Variants in OXCT1 observed in about 807,000 individuals in gnomAD.
The protein encoded by OXCT1 is succinyl-CoA:3-ketoacid coenzyme A transferase 1, mitochondrial.
Under a neutral mutation model 69.6 loss-of-function variants are expected in OXCT1, and 27 were observed. The ratio of observed to expected loss-of-function variants is 0.39; its 90% CI spans 0.29 to 0.54. The LOEUF (loss-of-function observed/expected upper bound fraction) is 0.54, where lower values mean the gene tolerates loss of function less well. Ranked by LOEUF, OXCT1 falls within the 20% of genes least tolerant of loss-of-function variation. The pLI is 0.72. For synonymous variants in OXCT1, 202 were observed against 217.8 expected, an observed-to-expected ratio of 0.93 and a Z score of 0.64; for missense variants, 437 against 650.2, an observed-to-expected ratio of 0.67 and a Z score of 3.57.
intron 7 of OXCT1, among the ~76,000 whole-genome samples, chr5:41,820,110 T>C (rs1042937386): frequency 6.6e-6 from 1 of 152,142 alleles, no homozygotes. Context: ...AATAAAATAA[T>C]AGTGACATTC....
At chr5:41,802,992 T>G in intron 10 of OXCT1, 77 bp downstream of exon 10, 2 of 1,073,712 alleles carry the variant, frequency 1.9e-6, no homozygotes, top group Non-Finnish European at 2.8e-6. Flanking sequence ...ATAAAAAAAT[T>G]TAATAAAAAA....
intron 3 of OXCT1, among the ~76,000 whole-genome samples, chr5:41,858,361 G>A (rs1561134498): frequency 6.6e-6 from 1 of 152,154 alleles, no homozygotes; most frequent in East Asian, 1.9e-4. Context: ...AAATAGATGT[G>A]ATCTTTTGCA....
In OXCT1 at chr5:41,861,496, A is replaced by G. The variant is rs986392578; in HGVS notation, c.188-92T>C. ...GTTATTCTTTTTAAAAGGGAAATAA[A>G]ACAAAGCACATTATTAGATCTACTA... On this transcript the variant is annotated intron_variant, in intron 2 of 16. Coordinates refer to ENST00000196371, the MANE Select transcript of OXCT1 (RefSeq NM_000436.4). 5 of 828,248 alleles carry G rather than the reference A, an allele frequency of 6.0e-6. No homozygotes were observed. The African/African-American group carries it at 8.3e-5, about 14-fold the overall frequency. The allele number at this position is 828,248 out of a possible 1,614,324, so 51.3% of individuals were successfully genotyped here.
intron 13 of OXCT1, among the ~76,000 whole-genome samples, chr5:41,784,692 A>G (rs549627628): frequency 1.3e-5 from 2 of 152,338 alleles, no homozygotes; most frequent in South Asian, 2.1e-4. Flanking sequence ...TTCATCTATA[A>G]TAACAGGAAT....
intron 2 of OXCT1, among the ~76,000 whole-genome samples, chr5:41,861,781 C>G (rs1015422686): frequency 4.6e-5 from 7 of 152,170 alleles, no homozygotes; most frequent in Non-Finnish European, 1.0e-4. Flanking sequence ...TAGTTGGAAG[C>G]CTAAGCCCAA....
chr5:41,844,078 T>C (rs975062130), intron 5 of OXCT1, among the ~76,000 whole-genome samples: 1 of 152,176 alleles, frequency 6.6e-6, no homozygotes, highest in East Asian at 1.9e-4. Context: ...GCAAAGTCAA[T>C]AAATAGGCTT....
chr5:41,753,984 T>C (rs559418390), intron 14 of OXCT1, among the ~76,000 whole-genome samples: 10 of 151,992 alleles, frequency 6.6e-5, no homozygotes, highest in African/African-American at 1.2e-4. Context: ...GGAAGACAGA[T>C]AAAGGTGTGA....
intron 15 of OXCT1, among the ~76,000 whole-genome samples, chr5:41,743,710 T>C (rs889107984): frequency 6.6e-6 from 1 of 152,198 alleles, no homozygotes; most frequent in Non-Finnish European, 1.5e-5. Context: ...CTAGCCAGTT[T>C]TCCCAGCACC....
intron 5 of OXCT1, among the ~76,000 whole-genome samples, chr5:41,843,052 G>C (rs551812490): frequency 4.9e-4 from 75 of 152,258 alleles, no homozygotes; most frequent in African/African-American, 1.7e-3. Context: ...TATGGCCTGA[G>C]GGATAGACTA....
intron 3 of OXCT1, among the ~76,000 whole-genome samples, chr5:41,856,385 G>T (rs1159462879): frequency 1.3e-5 from 2 of 152,108 alleles, no homozygotes; most frequent in Non-Finnish European, 2.9e-5. Flanking sequence ...CACTAGTGAC[G>T]CCTACTTACT....
intron 14 of OXCT1, among the ~76,000 whole-genome samples, chr5:41,755,518 G>C (rs1337067176): frequency 6.6e-6 from 1 of 152,042 alleles, no homozygotes; most frequent in Non-Finnish European, 1.5e-5. Context: ...TTCATTTTGA[G>C]CTACTTTTCA....
chr5:41,765,867 C>T (rs184286002), intron 13 of OXCT1, among the ~76,000 whole-genome samples: 37 of 152,216 alleles, frequency 2.4e-4, no homozygotes, highest in Non-Finnish European at 2.6e-4. Context: ...GAGTCCACCC[C>T]CATCCCTCAT....
intron 13 of OXCT1, among the ~76,000 whole-genome samples, chr5:41,769,665 G>A (rs1172837711): frequency 1.3e-5 from 2 of 151,864 alleles, no homozygotes; most frequent in Non-Finnish European, 2.9e-5. Flanking sequence ...GCAAATCAAG[G>A]CCATGCTGAG....
intron 11 of OXCT1, among the ~76,000 whole-genome samples, chr5:41,799,287 G>T (rs917465606): frequency 1.3e-5 from 2 of 152,098 alleles, no homozygotes; most frequent in African/African-American, 2.4e-5. Context: ...AGGCTCTCCA[G>T]CTTAAAGTAT....
chr5:41,824,659 C>CT (rs1301510269), intron 7 of OXCT1, among the ~76,000 whole-genome samples: 1 of 152,084 alleles, frequency 6.6e-6, no homozygotes, highest in Non-Finnish European at 1.5e-5. Flanking sequence ...AGCTAAAATA[C>CT]TTTTTATAGC....
chr5:41,840,538 TGG>T lies in OXCT1; in HGVS notation c.672-29_672-28del, dbSNP rs752711750. 10 of 1,555,144 alleles carry T rather than the reference TGG, an allele frequency of 6.4e-6. No individual in the cohort carries two copies. The Admixed American group carries it at 1.7e-4, about 26-fold the overall frequency. The stretch of plus-strand genomic sequence containing the variant: ...TACAGGGGTGGAGGAGATAAGAAAG[TGG>T]GGGGGAAAAGACGAAAAATAAGCAT... On this transcript the variant is annotated intron_variant, in intron 6 of 16. Transcript: ENST00000196371.
chr5:41,738,755 C>A (rs973882880), intron 16 of OXCT1, among the ~76,000 whole-genome samples: 1 of 152,090 alleles, frequency 6.6e-6, no homozygotes, highest in South Asian at 2.1e-4. Flanking sequence ...TATTAAAGAG[C>A]AATTATTTAT....
intron 10 of OXCT1, among the ~76,000 whole-genome samples, chr5:41,801,484 A>T (rs141966080): frequency 6.6e-6 from 1 of 152,278 alleles, no homozygotes; most frequent in Non-Finnish European, 1.5e-5. Flanking sequence ...ACTTGAGGCC[A>T]GTTCAAAACC....
chr5:41,858,724 T>C (rs1002141534), intron 3 of OXCT1, among the ~76,000 whole-genome samples: 1 of 152,350 alleles, frequency 6.6e-6, no homozygotes, highest in Admixed American at 6.5e-5. Context: ...TGGCAATTCT[T>C]GTCAAAATAA....
Sources: gnomAD v4.1 joint callset for allele counts (sites outside exome capture counted in the v4.1 genomes callset) on GRCh38, gnomAD v4.1.1 for gene constraint, MANE v1.5 for transcripts, NCBI Gene and HGNC (gene_info 2026-07-23, HGNC 2026-07-21) for gene names.